Variants in CSMD1 observed in about 807,000 individuals in gnomAD.
CSMD1 encodes CUB and sushi domain-containing protein 1.
Under a neutral mutation model 417.5 loss-of-function variants are expected in CSMD1, and 213 were observed. The observed-to-expected ratio is 0.51, with a 90% CI of 0.46 to 0.57. The LOEUF is 0.57. CSMD1 is among the 20% of genes least tolerant of loss of function. The pLI is 0.00. For missense variants in CSMD1, 6,923 were observed against 4,529.7 expected (o/e 1.53, Z -15.17); for synonymous variants, 2,862 against 1,736.8 (o/e 1.65, Z -16.11).
intron 36 of CSMD1, chr8:3,182,946 G>C (rs1287990694): frequency 1.4e-5 from 2 of 147,498 alleles, no homozygotes; most frequent in African/African-American, 5.1e-5. Context: ...TGTTAGTAGA[G>C]AAGGGGTTTC....
chr8:4,747,276 G>T (rs897593293), intron 1 of CSMD1, among the ~76,000 whole-genome samples: 1 of 152,102 alleles, frequency 6.6e-6, no homozygotes, highest in Non-Finnish European at 1.5e-5. Flanking sequence ...TTGAAAACAA[G>T]CCCTATTTTC....
intron 3 of CSMD1, among the ~76,000 whole-genome samples, chr8:4,283,848 C>A (rs1487296281): frequency 6.6e-6 from 1 of 152,188 alleles, no homozygotes; most frequent in East Asian, 1.9e-4. Context: ...GCATGGCTAA[C>A]AGTTTCATGT....
chr8:4,511,258 C>T (rs557710630), intron 2 of CSMD1, among the ~76,000 whole-genome samples: 13 of 152,154 alleles, frequency 8.5e-5, no homozygotes, highest in East Asian at 1.9e-4. Flanking sequence ...ACTTGGCGGC[C>T]GATTTCCAGA....
chr8:3,097,210 A>T (rs1224798247), intron 46 of CSMD1, among the ~76,000 whole-genome samples, 173 bp from the exon 47 acceptor site: 1 of 152,168 alleles, frequency 6.6e-6, no homozygotes, highest in Non-Finnish European at 1.5e-5. Flanking sequence ...TTGAATAATC[A>T]TGAGAATTGT....
At position 4,515,928 on chromosome 8, in the gene CSMD1, C is replaced by T. The variant is rs146289818; in HGVS notation, c.303-95863G>A. On this transcript the variant is annotated intron_variant, in intron 2 of 69. Transcript: ENST00000635120. ...ATAGCCCAAACTAGCAGACTTGTAG[C>T]CATTTAGAGCCTGCCTGCTTTGCAT... 6.1e-4 allele frequency among the ~76,000 whole-genome samples: 93 copies of T among 152,252 alleles called. 1 individual carries two copies. In the East Asian group the frequency reaches 0.017, roughly 28 times the overall value.
intron 3 of CSMD1, among the ~76,000 whole-genome samples, chr8:4,383,387 G>T (rs1280590971): frequency 6.6e-6 from 1 of 152,110 alleles, no homozygotes; most frequent in Non-Finnish European, 1.5e-5. Flanking sequence ...TTACTTGGGG[G>T]CTACATTTAC....
At chr8:3,641,489 T>G (rs1387209643) in intron 7 of CSMD1, among the ~76,000 whole-genome samples, 2 of 152,212 alleles carry the variant, frequency 1.3e-5, no homozygotes, top group Non-Finnish European at 2.9e-5. Context: ...AGGTAAACAC[T>G]TAAAGTATAA....
chr8:3,118,372 C>T (rs1323153353), intron 42 of CSMD1, 27 bp downstream of exon 42: 7 of 1,535,206 alleles, frequency 4.6e-6, no homozygotes, highest in South Asian at 1.2e-5. Flanking sequence ...AACATTAAAT[C>T]GCCCCCATGC....
At chr8:4,549,916 A>G (rs187389068) in intron 2 of CSMD1, among the ~76,000 whole-genome samples, 6,517 of 142,616 alleles carry the variant, frequency 0.046, 387 homozygotes, top group African/African-American at 0.14. Flanking sequence ...AAAAAAAAAA[A>G]AAAAGAAAAG....
At chr8:4,878,301 G>A (rs1803176831) in intron 1 of CSMD1, among the ~76,000 whole-genome samples, 1 of 151,986 alleles carries the variant, frequency 6.6e-6, no homozygotes, top group Non-Finnish European at 1.5e-5. Flanking sequence ...ACAACGCGAG[G>A]CAATTAGAAC....
In CSMD1 at chr8:2,974,075, G is replaced by GGTGGT. The variant is rs1174807885; in HGVS notation, c.8740+375_8740+376insACCAC. ...GTGGTAGAGGATGGTGGTAGAGGAT[G>GGTGGT]ATGGTAGAGGATGATGGTAGAGGAT... is the stretch of plus-strand genomic sequence containing the variant. On this transcript the variant is annotated intron_variant, in intron 56 of 69. Coordinates refer to ENST00000635120, the MANE Select transcript of CSMD1 (RefSeq NM_033225.6). Among the ~76,000 whole-genome samples the GGTGGT allele has an allele frequency of 2.7e-4, 34 of 128,066 alleles. No individual in the cohort carries two copies. The East Asian group carries it at 0.011, about 40-fold the overall frequency. 84.0% of individuals were successfully genotyped at this position (128,066 alleles called of 152,430 possible).
chr8:2,942,863 T>C (rs1265232124), intron 68 of CSMD1, among the ~76,000 whole-genome samples: 1 of 151,984 alleles, frequency 6.6e-6, no homozygotes, highest in Non-Finnish European at 1.5e-5. Flanking sequence ...GGCAAAAGGG[T>C]CAGTATACAT....
At chr8:4,058,937 C>T (rs960472869) in intron 3 of CSMD1, among the ~76,000 whole-genome samples, 7 of 151,978 alleles carry the variant, frequency 4.6e-5, no homozygotes, top group Non-Finnish European at 8.8e-5. Context: ...CTGCACCAAG[C>T]GGGCCTAACA....
intron 1 of CSMD1, among the ~76,000 whole-genome samples, chr8:4,775,692 G>C (rs1052905172): frequency 1.3e-5 from 2 of 152,156 alleles, no homozygotes; most frequent in Admixed American, 6.5e-5. Flanking sequence ...GCTGGACCAA[G>C]GCAGCGTCTG....
intron 54 of CSMD1, among the ~76,000 whole-genome samples, chr8:2,980,071 AC>A (rs1805272046): frequency 1.3e-5 from 2 of 152,224 alleles, no homozygotes; most frequent in Admixed American, 1.3e-4. Flanking sequence ...CCCATGCCAT[AC>A]TTTCATAAGG....
rs528895284 is a variant in CSMD1 at position 3,856,870 on chromosome 8, T to G, written c.819-102828A>C. Among the ~76,000 whole-genome samples, 21 of 152,252 alleles carry G rather than the reference T, an allele frequency of 1.4e-4. No homozygotes were observed. The South Asian group carries it at 1.9e-3, about 14-fold the overall frequency. On this transcript the variant is annotated intron_variant, in intron 5 of 69. Transcript: ENST00000635120. ...AGCCACAGCAGATCCAGCATGGACA[T>G]GAGTCATGAAATGAACACTTGTAAC...
At chr8:4,782,566 G>A (rs1023270780) in intron 1 of CSMD1, among the ~76,000 whole-genome samples, 12 of 152,052 alleles carry the variant, frequency 7.9e-5, no homozygotes, top group African/African-American at 1.2e-4. Flanking sequence ...GTGCCACTGA[G>A]CTTAGAAACA....
chr8:4,595,864 C>T (rs1170258777), intron 2 of CSMD1, among the ~76,000 whole-genome samples: 1 of 152,200 alleles, frequency 6.6e-6, no homozygotes, highest in Admixed American at 6.5e-5. Flanking sequence ...ATGGATCTTC[C>T]ATTCCTTCTT....
chr8:3,944,119 A>G (rs1265787654), intron 5 of CSMD1, among the ~76,000 whole-genome samples: 1 of 152,174 alleles, frequency 6.6e-6, no homozygotes, highest in African/African-American at 2.4e-5. Flanking sequence ...TAAAATATTA[A>G]TATTTGGGGA....
Sources: allele counts gnomAD v4.1 joint callset (sites outside exome capture counted in the v4.1 genomes callset), GRCh38; gene constraint gnomAD v4.1.1; transcripts MANE v1.5; gene names NCBI Gene and HGNC (gene_info 2026-07-23, HGNC 2026-07-21).